PTPRT: variants seen among roughly 807,000 people sequenced by gnomAD.
The protein encoded by PTPRT is protein tyrosine phosphatase receptor type T.
In PTPRT, 56 loss-of-function variants were observed where a neutral mutation model predicts 176.8. The observed-to-expected ratio is 0.32, with a 90% CI of 0.26 to 0.40. PTPRT has a LOEUF of 0.40. Among genes scored for constraint, PTPRT ranks in the 10% least tolerant of loss-of-function variants. PTPRT has a pLI of 1.00. For missense variants in PTPRT, 1,540 were observed against 1,908.2 expected (o/e 0.81, Z 3.60); for synonymous variants, 783 against 739.0 (o/e 1.06, Z -0.96).
chr20:42,633,392 T>C (rs1400504034), intron 7 of PTPRT, among the ~76,000 whole-genome samples: 1 of 152,094 alleles, frequency 6.6e-6, no homozygotes, highest in African/African-American at 2.4e-5. Flanking sequence ...AACGGTATCA[T>C]AGTTTTTAAG....
At chr20:43,155,167 T>C (rs1024672853) in intron 1 of PTPRT, among the ~76,000 whole-genome samples, 1 of 152,126 alleles carries the variant, frequency 6.6e-6, no homozygotes, top group Non-Finnish European at 1.5e-5. Flanking sequence ...AAAATAGAAC[T>C]GCCATATGAT....
chr20:43,101,508 A>T (rs2012390808), intron 1 of PTPRT, among the ~76,000 whole-genome samples: 1 of 152,106 alleles, frequency 6.6e-6, no homozygotes, highest in Non-Finnish European at 1.5e-5. Context: ...CATAGCTCTA[A>T]TGATTAAATG....
Position 42,667,884 on chromosome 20 carries a change from G to T in PTPRT, c.1153+9982C>A, listed in dbSNP as rs190099185. On this transcript the variant is annotated intron_variant, in intron 7 of 30. Coordinates refer to ENST00000373187, the MANE Select transcript of PTPRT (RefSeq NM_007050.6). The stretch of plus-strand genomic sequence containing the variant: ...CACGCAGGGGAGAGGGCGAGGAAGT[G>T]CAGGGTCTATGTGACTTTTCAGATT... Among the ~76,000 whole-genome samples, 642 of 152,300 alleles carry T rather than the reference G, an allele frequency of 4.2e-3. 3 individuals are homozygous for T. Among genetic ancestry groups the T allele is most frequent in the Middle Eastern group, 0.017 (5 of 294 alleles).
intron 1 of PTPRT, among the ~76,000 whole-genome samples, chr20:43,023,704 G>A (rs2146182002): frequency 6.6e-6 from 1 of 152,294 alleles, no homozygotes; most frequent in African/African-American, 2.4e-5. Context: ...CTCCAGCACA[G>A]TTCAGCTCTG....
chr20:42,376,511 C>T (rs1195796873), intron 9 of PTPRT, among the ~76,000 whole-genome samples: 1 of 152,178 alleles, frequency 6.6e-6, no homozygotes, highest in Non-Finnish European at 1.5e-5. Flanking sequence ...CACAGGGCTC[C>T]TGACCACAGC....
chr20:42,119,187 TTATATG>T (rs1246635820), intron 20 of PTPRT, among the ~76,000 whole-genome samples: 25 of 152,204 alleles, frequency 1.6e-4, no homozygotes, highest in Non-Finnish European at 2.6e-4. Context: ...TTTTCTATAT[TTATATG>T]TATATGTGTG....
chr20:42,741,724 C>T (rs1243865066), intron 6 of PTPRT, among the ~76,000 whole-genome samples: 1 of 152,022 alleles, frequency 6.6e-6, no homozygotes, highest in Non-Finnish European at 1.5e-5. Flanking sequence ...GTCTTATGGT[C>T]ATGGTTGGAT....
chr20:43,007,775 T>C (rs887054663), intron 1 of PTPRT, among the ~76,000 whole-genome samples: 1 of 152,222 alleles, frequency 6.6e-6, no homozygotes, highest in Non-Finnish European at 1.5e-5. Flanking sequence ...TTTGAAAAGT[T>C]CTGAGACTTC....
chr20:42,878,855 C>T (rs955769732), intron 2 of PTPRT, among the ~76,000 whole-genome samples: 1 of 152,122 alleles, frequency 6.6e-6, no homozygotes, highest in Non-Finnish European at 1.5e-5. Context: ...GGTGAAACCC[C>T]GTCTCTACTA....
intron 9 of PTPRT, among the ~76,000 whole-genome samples, chr20:42,362,777 C>G (rs773334204): frequency 2.0e-5 from 3 of 152,092 alleles, no homozygotes; most frequent in Non-Finnish European, 4.4e-5. Context: ...CCATACTAAT[C>G]TTGCAACTTT....
chr20:42,894,297 A>G (rs1381190938), intron 1 of PTPRT, among the ~76,000 whole-genome samples: 1 of 152,152 alleles, frequency 6.6e-6, no homozygotes, highest in Non-Finnish European at 1.5e-5. Context: ...ACGGTTTGCA[A>G]GGACCAAGTA....
intron 1 of PTPRT, among the ~76,000 whole-genome samples, chr20:42,953,449 C>T (rs117894756): frequency 2.2e-4 from 33 of 152,194 alleles, no homozygotes; most frequent in Non-Finnish European, 5.9e-5. Flanking sequence ...TGCCATCCCT[C>T]GGTGAATCAC....
chr20:42,067,237 T>C, the PTPRT span, among the ~76,000 whole-genome samples: 1 of 152,186 alleles, frequency 6.6e-6, no homozygotes, highest in African/African-American at 2.4e-5. Context: ...GCAGAGAGCT[T>C]AGGCAGAGCT....
At chr20:43,154,935 C>A (rs949676728) in intron 1 of PTPRT, among the ~76,000 whole-genome samples, 1 of 151,932 alleles carries the variant, frequency 6.6e-6, no homozygotes, top group Non-Finnish European at 1.5e-5. Context: ...AAATGGCCAA[C>A]GGGTATATGA....
At chr20:42,929,680 C>T (rs949711672) in intron 1 of PTPRT, among the ~76,000 whole-genome samples, 10 of 152,256 alleles carry the variant, frequency 6.6e-5, no homozygotes, top group African/African-American at 2.2e-4. Context: ...AACCTGGCCT[C>T]ATTCTCACAG....
intron 19 of PTPRT, among the ~76,000 whole-genome samples, chr20:42,123,716 T>C (rs1178488015): frequency 6.6e-6 from 1 of 152,206 alleles, no homozygotes; most frequent in Non-Finnish European, 1.5e-5. Context: ...CCATTCCCCG[T>C]GCCTGCTATG....
At position 42,161,506 on chromosome 20, in the gene PTPRT, A is replaced by G. The variant is rs755291953; in HGVS notation, c.2528T>C (p.Leu843Pro). 5.0e-6 allele frequency: 8 copies of G among 1,612,882 alleles called. No individual in the cohort carries two copies. In the South Asian group the frequency reaches 8.8e-5, roughly 18 times the overall value. Residue 843 changes from leucine (L) to proline (P), a missense_variant, in exon 17 of 31, where the codon CTC (leucine) becomes CCC (proline). Leu to Pro is a moderately conservative substitution (Grantham distance 98, BLOSUM62 -3). Transcript: ENST00000373187. The part of the protein sequence containing the change: ...GSRGELSQPT[L>P]TIQTHPYRTC... ...GCGGTAGGGATGAGTCTGGATCGTG[A>G]GGGTGGGCTGGGAAAGCTCCCCGCG...
intron 1 of PTPRT, among the ~76,000 whole-genome samples, chr20:42,998,825 C>T (rs1350747953): frequency 6.6e-6 from 1 of 152,162 alleles, no homozygotes; most frequent in African/African-American, 2.4e-5. Context: ...TGCCCACTGT[C>T]ATATGGTTGG....
chr20:42,567,134 A>G (rs920953106), intron 7 of PTPRT, among the ~76,000 whole-genome samples: 6 of 152,022 alleles, frequency 3.9e-5, no homozygotes, highest in African/African-American at 1.2e-4. Flanking sequence ...TTAGCCGGGC[A>G]TGGTGGCAGG....
Sources: allele counts gnomAD v4.1 joint callset (sites outside exome capture counted in the v4.1 genomes callset), GRCh38; gene constraint gnomAD v4.1.1; transcripts MANE v1.5; gene names NCBI Gene and HGNC (gene_info 2026-07-23, HGNC 2026-07-21).